Variants in RBFOX1 observed in about 807,000 individuals in gnomAD.
RBFOX1 encodes the protein RNA binding protein fox-1 homolog 1.
RBFOX1 carries 8 observed loss-of-function variants against 57.7 expected under a neutral mutation model. The observed-to-expected ratio is 0.14, with a 90% CI of 0.08 to 0.25. The LOEUF is 0.25. RBFOX1 is among the 10% of genes least tolerant of loss of function. The pLI, the probability that RBFOX1 is intolerant of heterozygous loss-of-function variation, is 1.00. For missense variants in RBFOX1, 611 were observed against 548.5 expected, an observed-to-expected ratio of 1.11 and a Z score of -1.14; for synonymous variants, 326 against 222.4, an observed-to-expected ratio of 1.47 and a Z score of -4.15.
chr16:6,610,126 T>C (rs1170980121), intron 2 of RBFOX1, among the ~76,000 whole-genome samples: 2 of 152,148 alleles, frequency 1.3e-5, no homozygotes, highest in East Asian at 3.9e-4. Flanking sequence ...ATTCAAAGTG[T>C]GTTTCATGGA....
intron 2 of RBFOX1, among the ~76,000 whole-genome samples, chr16:5,508,438 C>T (rs1235269038): frequency 6.6e-6 from 1 of 152,234 alleles, no homozygotes; most frequent in East Asian, 1.9e-4. Context: ...ATGCTGCAGC[C>T]TTCCTGTGGG....
intron 14 of RBFOX1, among the ~76,000 whole-genome samples, chr16:7,692,407 T>C (rs999146167): frequency 5.9e-5 from 9 of 152,256 alleles, no homozygotes; most frequent in African/African-American, 2.2e-4. Flanking sequence ...TAGATACCTT[T>C]TGAAGCACTG....
At chr16:7,269,532 T>G (rs1301921051) in intron 4 of RBFOX1, among the ~76,000 whole-genome samples, 1 of 152,196 alleles carries the variant, frequency 6.6e-6, no homozygotes, top group East Asian at 1.9e-4. Flanking sequence ...TTTTTAGAAT[T>G]TATCGTATAA....
chr16:7,199,925 AAC>A (rs1166203414), intron 4 of RBFOX1, among the ~76,000 whole-genome samples: 2 of 152,058 alleles, frequency 1.3e-5, no homozygotes, highest in African/African-American at 4.8e-5. Flanking sequence ...CAACAACAAC[AAC>A]AACAAAGAAA....
At chr16:5,890,776 A>C (rs2009856) in intron 4 of RBFOX1, among the ~76,000 whole-genome samples, 1 of 151,072 alleles carries the variant, frequency 6.6e-6, no homozygotes, top group Non-Finnish European at 1.5e-5. Flanking sequence ...CCTGGGCTTT[A>C]GATCCTACAC....
intron 3 of RBFOX1, among the ~76,000 whole-genome samples, chr16:6,829,870 G>A (rs2092573622): frequency 6.6e-6 from 1 of 152,086 alleles, no homozygotes; most frequent in Non-Finnish European, 1.5e-5. Flanking sequence ...CCAAAGTGCT[G>A]GGATTACAGG....
chr16:5,259,880 G>A (rs1424798530), intron 1 of RBFOX1, among the ~76,000 whole-genome samples: 1 of 152,076 alleles, frequency 6.6e-6, no homozygotes, highest in Non-Finnish European at 1.5e-5. Context: ...CTTCTGCGGA[G>A]TGGGTATGAT....
At chr16:7,642,170 G>C (rs145708441) in intron 11 of RBFOX1, among the ~76,000 whole-genome samples, 58 of 152,252 alleles carry the variant, frequency 3.8e-4, no homozygotes, top group African/African-American at 1.3e-3. Context: ...GACTGGACTG[G>C]TGGACCACTC....
chr16:5,727,886 G>A (rs2052213262), intron 3 of RBFOX1, among the ~76,000 whole-genome samples: 2 of 152,114 alleles, frequency 1.3e-5, no homozygotes, highest in South Asian at 4.1e-4. Flanking sequence ...GATAGAGTCT[G>A]TGTTGCCTAC....
chr16:7,289,125 C>G (rs2095709219), intron 4 of RBFOX1, among the ~76,000 whole-genome samples: 1 of 152,172 alleles, frequency 6.6e-6, no homozygotes, highest in Non-Finnish European at 1.5e-5. Context: ...AGAGAGCCTC[C>G]TTAGAGATGT....
chr16:7,609,382 G>A (rs922168388), intron 10 of RBFOX1, among the ~76,000 whole-genome samples: 6 of 152,200 alleles, frequency 3.9e-5, no homozygotes, highest in East Asian at 3.9e-4. Context: ...TTGTGCTTTC[G>A]TAGCCACAGA....
At chr16:5,772,894 G>A (rs1567521940) in intron 3 of RBFOX1, among the ~76,000 whole-genome samples, 1 of 152,168 alleles carries the variant, frequency 6.6e-6, no homozygotes, top group Non-Finnish European at 1.5e-5. Flanking sequence ...TAAGATGAGG[G>A]AGCTGGTTTT....
chr16:5,502,336 G>A (rs2043227743), intron 2 of RBFOX1, among the ~76,000 whole-genome samples: 1 of 152,098 alleles, frequency 6.6e-6, no homozygotes, highest in African/African-American at 2.4e-5. Context: ...TGTCCCAGTG[G>A]ATGGGGACAC....
intron 4 of RBFOX1, among the ~76,000 whole-genome samples, chr16:7,461,065 T>C (rs1326442192): frequency 6.6e-6 from 1 of 152,218 alleles, no homozygotes; most frequent in African/African-American, 2.4e-5. Flanking sequence ...TAATTATCTT[T>C]TGTTTAGTTA....
At chr16:6,591,933 A>C (rs1340555061) in intron 2 of RBFOX1, among the ~76,000 whole-genome samples, 1 of 152,234 alleles carries the variant, frequency 6.6e-6, no homozygotes, top group Non-Finnish European at 1.5e-5. Flanking sequence ...CTGGCTTCAC[A>C]GAAGACAGAG....
At chr16:7,340,893 G>A (rs1438444351) in intron 4 of RBFOX1, among the ~76,000 whole-genome samples, 1 of 152,104 alleles carries the variant, frequency 6.6e-6, no homozygotes. Context: ...CTGTCATTTT[G>A]ATCATTTTAA....
chr16:5,665,886 C>G (rs138219061), intron 3 of RBFOX1, among the ~76,000 whole-genome samples: 2 of 152,202 alleles, frequency 1.3e-5, no homozygotes, highest in African/African-American at 4.8e-5. Flanking sequence ...TTCAGCAGGC[C>G]TCAGCTTCTG....
rs371215429 is a variant in RBFOX1 at position 6,761,365 on chromosome 16, C to G, written c.-16+106715C>G. 2.8e-4 allele frequency among the ~76,000 whole-genome samples: 43 copies of G among 152,220 alleles called. No homozygotes were observed. The East Asian group carries it at 6.4e-3, about 23-fold the overall frequency. On this transcript the variant is annotated intron_variant, in intron 3 of 15. Transcript: ENST00000550418. The stretch of plus-strand genomic sequence containing the variant: ...GTTTAAGAAAATATTCTATACCAGA[C>G]ATACATTTAGTCTTTGCATCTCTTA...
intron 4 of RBFOX1, among the ~76,000 whole-genome samples, chr16:7,068,808 C>T (rs942814806): frequency 2.0e-5 from 3 of 152,146 alleles, no homozygotes; most frequent in Non-Finnish European, 4.4e-5. Flanking sequence ...AGGCTGGTCT[C>T]GAACTCCAGA....
Sources: allele counts gnomAD v4.1 joint callset (sites outside exome capture counted in the v4.1 genomes callset), GRCh38; gene constraint gnomAD v4.1.1; transcripts MANE v1.5; gene names NCBI Gene and HGNC (gene_info 2026-07-23, HGNC 2026-07-21).